The following CELSR1 variants were observed in gnomAD, a reference collection of about 807,000 sequenced individuals.
CELSR1 encodes cadherin EGF LAG seven-pass G-type receptor 1.
Under a neutral mutation model 249.1 loss-of-function variants are expected in CELSR1, and 110 were observed. That is an observed-to-expected ratio of 0.44 (90% confidence interval 0.38 to 0.52). The LOEUF is 0.52. Among genes scored for constraint, CELSR1 ranks in the 20% least tolerant of loss-of-function variants. CELSR1 has a pLI of 0.00. For synonymous variants in CELSR1, 2,113 were observed against 1,900.0 expected (o/e 1.11, Z -2.92); for missense variants, 4,109 against 4,296.4 (o/e 0.96, Z 1.22).
intron 3 of CELSR1, among the ~76,000 whole-genome samples, chr22:46,438,598 A>G (rs2079695948): frequency 6.6e-6 from 1 of 152,234 alleles, no homozygotes; most frequent in South Asian, 2.1e-4. Context: ...GACATACAGA[A>G]TCTGACAAGC....
intron 23 of CELSR1, 74 bp downstream of exon 23, chr22:46,378,517 G>A: frequency 6.7e-7 from 1 of 1,498,512 alleles, no homozygotes; most frequent in Non-Finnish European, 9.0e-7. Flanking sequence ...TTGGCGGGGA[G>A]GTGCAGGTTT....
Position 46,402,318 on chromosome 22 carries a change from G to C in CELSR1, c.5227-2416C>G, listed in dbSNP as rs2079218262. The stretch of plus-strand genomic sequence containing the variant: ...TGTAAACTCCACCTCCCAGGTTCAA[G>C]TGATTCTCCTGCCTCAGCCTCCCGA... On this transcript the variant is annotated intron_variant, in intron 9 of 34. Coordinates refer to ENST00000674500, the MANE Select transcript of CELSR1 (RefSeq NM_001378328.1). This position sits in a 1 kb window ranked among gnomAD's most constrained non-coding sequence, Gnocchi z 5.0. Among the ~76,000 whole-genome samples, 1 of 151,586 alleles carries C rather than the reference G, an allele frequency of 6.6e-6. No homozygotes were observed.
At position 46,490,702 on chromosome 22, in the gene CELSR1, T is replaced by A. The variant is rs567447059; in HGVS notation, c.3545-26357A>T. Among the ~76,000 whole-genome samples the A allele has an allele frequency of 1.7e-3, 257 of 152,174 alleles. 1 individual carries two copies. Among genetic ancestry groups the A allele is most frequent in the Non-Finnish European group, 2.4e-3 (165 of 68,012 alleles). On this transcript the variant is annotated intron_variant, in intron 1 of 34. Transcript: ENST00000674500. The surrounding 1 kb of genome is among the most constrained non-coding windows in gnomAD (Gnocchi z 5.2). ...AAGTGGTGGGTGTGCGGGGACACTT[T>A]AAAATACCAGAAAAATCTACAAAAC...
chr22:46,485,930 T>C (rs1022151652), intron 1 of CELSR1, among the ~76,000 whole-genome samples: 4 of 6,896 alleles, frequency 5.8e-4, no homozygotes, highest in African/African-American at 1.3e-3. Context: ...TTTCAGGTAC[T>C]TTTTTTTTTT....
chr22:46,377,330 C>CA, intron 23 of CELSR1, 69 bp from the exon 24 acceptor site: 1 of 1,496,476 alleles, frequency 6.7e-7, no homozygotes, highest in Non-Finnish European at 9.2e-7. Context: ...CATTGCATAA[C>CA]AGAGATAAAT....
rs2080073599 is a variant in CELSR1 at position 46,464,376 on chromosome 22, A to G, written c.3545-31T>C. On this transcript the variant is annotated intron_variant, in intron 1 of 34. Transcript: ENST00000674500. The surrounding 1 kb of genome is among the most constrained non-coding windows in gnomAD (Gnocchi z 8.5). ...GACACAAGGAAAGTCAGGGTCATTC[A>G]GATGCTGCGGGAGTCACAGGTCCTA... 1.9e-6 allele frequency: 3 copies of G among 1,590,658 alleles called. No individual in the cohort carries two copies. In the African/African-American group the frequency reaches 4.0e-5, roughly 21 times the overall value.
rs1258234875 is a variant in CELSR1, at chr22:46,408,480, C to T, written c.5226+516G>A. Among the ~76,000 whole-genome samples the T allele has an allele frequency of 2.0e-5, 3 of 152,222 alleles. No individual in the cohort carries two copies. Among genetic ancestry groups the T allele is most frequent in the African/African-American group, 7.2e-5 (3 of 41,450 alleles). Reference sequence around the variant, plus strand: ...CCAGGTAGCTGGGGTTACAGGCCCCCACTACCAAGCCTGGCTAATTTTTTT... The same window carrying T: ...CCAGGTAGCTGGGGTTACAGGCCCCTACTACCAAGCCTGGCTAATTTTTTT... On this transcript the variant is annotated intron_variant, in intron 9 of 34. Coordinates refer to ENST00000674500, the MANE Select transcript of CELSR1 (RefSeq NM_001378328.1). The surrounding 1 kb of genome is among the most constrained non-coding windows in gnomAD (Gnocchi z 4.6).
rs756654546 is a variant in CELSR1 at position 46,364,262 on chromosome 22, G to A, written c.8780-11C>T. 4.6e-5 allele frequency: 74 copies of A among 1,605,746 alleles called. No homozygotes were observed. The highest frequency in any genetic ancestry group is 2.5e-5 in the Non-Finnish European group (30 of 1,179,322). ...TATTTTTCAAGATGCCTGGGAGGAG[G>A]AGACACGGCAAGGTCAAGTCCGGGT... On this transcript the variant is annotated splice_polypyrimidine_tract_variant and intron_variant, in intron 33 of 34. Transcript: ENST00000674500.
At chr22:46,495,346 G>C (rs533940970) in intron 1 of CELSR1, among the ~76,000 whole-genome samples, 131 of 152,236 alleles carry the variant, frequency 8.6e-4, no homozygotes, top group African/African-American at 3.0e-3. Flanking sequence ...ATATAGAAAA[G>C]GCACAGTGAG....
chr22:46,452,332 C>T (rs559277982), intron 2 of CELSR1, among the ~76,000 whole-genome samples: 3 of 152,306 alleles, frequency 2.0e-5, no homozygotes, highest in Admixed American at 6.5e-5. Flanking sequence ...GCTCTTATGG[C>T]ACCGGGAAGA....
At position 46,412,481 on chromosome 22, in the gene CELSR1, G is replaced by A. The variant is rs901180313; in HGVS notation, c.4612-722C>T. ...GGAGGCCACTGCCCGGCCTGCAGACGGCCCCACATCTCCCCTCTAAGGCGT... is the reference window on the plus strand; with the variant it reads ...GGAGGCCACTGCCCGGCCTGCAGACAGCCCCACATCTCCCCTCTAAGGCGT... On this transcript the variant is annotated intron_variant, in intron 5 of 34. Transcript: ENST00000674500. This position sits in a 1 kb window ranked among gnomAD's most constrained non-coding sequence, Gnocchi z 4.5. Among the ~76,000 whole-genome samples the A allele has an allele frequency of 1.6e-4, 24 of 152,152 alleles. No homozygotes were observed. Among genetic ancestry groups the A allele is most frequent in the African/African-American group, 5.1e-4 (21 of 41,440 alleles).
At chr22:46,368,688 C>T (rs1415262561) in intron 27 of CELSR1, among the ~76,000 whole-genome samples, 1 of 152,126 alleles carries the variant, frequency 6.6e-6, no homozygotes, top group African/African-American at 2.4e-5. Flanking sequence ...CGCGGTGCCA[C>T]CTGCTCCTTT....
rs548213759 is a variant in CELSR1, at chr22:46,384,125, G to A, written c.6883+418C>T. ...ATTTTTTGTATTTTTTAGTAGAGAC[G>A]GGGTTTTACCACGTTGGCCAGGCTG... On this transcript the variant is annotated intron_variant, in intron 20 of 34. Transcript: ENST00000674500. Among the ~76,000 whole-genome samples the A allele has an allele frequency of 2.0e-3, 297 of 152,062 alleles. 2 individuals carry two copies. The highest frequency in any genetic ancestry group is 3.0e-3 in the Non-Finnish European group (201 of 67,994).
rs769638723 is a variant in CELSR1 at position 46,369,692 on chromosome 22, G to A, written c.7872C>T (p.Ile2624=). 25 of 1,613,064 alleles carry A rather than the reference G, an allele frequency of 1.5e-5. No homozygotes were observed. Among genetic ancestry groups the A allele is most frequent in the East Asian group, 1.1e-4 (5 of 44,876 alleles). Residue 2624 remains isoleucine, a splice_region_variant and synonymous_variant, in exon 26 of 35, where the codon ATC becomes ATT. Transcript: ENST00000674500. ...ACTCCCGTGAAGGCCCCACACTCACGATTATAACAGCTCCGATGGGCCCCG... is the reference window on the plus strand; with the variant it reads ...ACTCCCGTGAAGGCCCCACACTCACAATTATAACAGCTCCGATGGGCCCCG... The part of the protein sequence containing the change: ...SFAGPIGAVI[I]INTVTSVLSA...
intron 1 of CELSR1, among the ~76,000 whole-genome samples, chr22:46,495,597 A>T (rs1415260821): frequency 6.6e-6 from 1 of 152,058 alleles, no homozygotes; most frequent in East Asian, 1.9e-4. Context: ...GCACTTTGGG[A>T]GGCCGAGACA....
intron 1 of CELSR1, among the ~76,000 whole-genome samples, chr22:46,523,644 C>T (rs9615376): frequency 0.28 from 42,918 of 151,786 alleles, 7,074 homozygotes; most frequent in African/African-American, 0.45. Context: ...AGGAGAAAGG[C>T]GACTCCCCGG....
At chr22:46,439,151 A>G in intron 3 of CELSR1, 38 bp downstream of exon 3, 1 of 1,577,982 alleles carries the variant, frequency 6.3e-7, no homozygotes, top group Non-Finnish European at 8.7e-7. Context: ...CCCTTTCCTA[A>G]AGAGACCCCC....
At chr22:46,501,461 C>G (rs1475760132) in intron 1 of CELSR1, among the ~76,000 whole-genome samples, 1 of 152,166 alleles carries the variant, frequency 6.6e-6, no homozygotes, top group African/African-American at 2.4e-5. Context: ...CCGCCTCGAC[C>G]TCCCAGAGTG....
intron 2 of CELSR1, among the ~76,000 whole-genome samples, chr22:46,461,230 TATG>T (rs1392342448): frequency 2.6e-5 from 4 of 152,222 alleles, no homozygotes; most frequent in African/African-American, 9.7e-5. Context: ...GGGAAATACA[TATG>T]ATAATTTTGG....
Sources: gnomAD v4.1 joint callset for allele counts (sites outside exome capture counted in the v4.1 genomes callset) on GRCh38, gnomAD v4.1.1 for gene constraint, Gnocchi (gnomAD v3.1) non-coding constraint, MANE v1.5 for transcripts, NCBI Gene and HGNC (gene_info 2026-07-23, HGNC 2026-07-21) for gene names.